SLC9C1: variants seen among roughly 807,000 people sequenced by gnomAD.
SLC9C1 encodes sodium/hydrogen exchanger 10.
SLC9C1 carries 97 observed loss-of-function variants against 140.9 expected under a neutral mutation model. The observed-to-expected ratio is 0.69, with a 90% confidence interval of 0.58 to 0.82. The LOEUF (loss-of-function observed/expected upper bound fraction) is 0.82. SLC9C1 is among the 40% of genes least tolerant of loss of function. The probability of loss-of-function intolerance (pLI) is 0.00; values close to 1 mark genes in which losing one functional copy is unlikely to be tolerated. For synonymous variants in SLC9C1, 440 were observed against 442.6 expected, an observed-to-expected ratio of 0.99 and a Z score of 0.07; for missense variants, 1,340 against 1,389.3, an observed-to-expected ratio of 0.96 and a Z score of 0.56.
At chr3:112,214,194 G>A (rs1051350922) in intron 15 of SLC9C1, among the ~76,000 whole-genome samples, 24 of 152,192 alleles carry the variant, frequency 1.6e-4, no homozygotes, top group Admixed American at 2.6e-4. Context: ...GAATCTCTGG[G>A]ACACATTTAA....
At chr3:112,215,502 T>C (rs1484854680) in intron 15 of SLC9C1, among the ~76,000 whole-genome samples, 1 of 152,110 alleles carries the variant, frequency 6.6e-6, no homozygotes, top group Non-Finnish European at 1.5e-5. Context: ...ATAAGCAACT[T>C]CAGCAAAGTC....
chr3:112,270,702 G>C (rs1200960654), intron 6 of SLC9C1, among the ~76,000 whole-genome samples: 1 of 152,158 alleles, frequency 6.6e-6, no homozygotes, highest in East Asian at 1.9e-4. Flanking sequence ...TGTAATCCCG[G>C]CTACCTGGGA....
intron 10 of SLC9C1, among the ~76,000 whole-genome samples, chr3:112,246,289 G>A (rs9878213): frequency 0.59 from 89,783 of 151,744 alleles, 27,060 homozygotes; most frequent in East Asian, 0.79. Context: ...GTAGAGTGTG[G>A]TACCAAATAG....
chr3:112,140,932 A>G lies in SLC9C1; in HGVS notation c.*340T>C, dbSNP rs11920568. On this transcript the variant is annotated 3_prime_UTR_variant, in exon 29 of 29. Coordinates refer to ENST00000305815, the MANE Select transcript of SLC9C1 (RefSeq NM_183061.3). Reference sequence around the variant, plus strand: ...TATTTTAATACATTTTATTTTTCATAAAGTGAACCAAACCATTATTGCTGT... The same window carrying G: ...TATTTTAATACATTTTATTTTTCATGAAGTGAACCAAACCATTATTGCTGT... 768 of 209,342 alleles carry G rather than the reference A, an allele frequency of 3.7e-3. 4 individuals carry two copies. Among genetic ancestry groups the G allele is most frequent in the African/African-American group, 0.017 (728 of 43,766 alleles). 13.0% of individuals were successfully genotyped at this position (209,342 alleles called of 1,614,324 possible). A position where few individuals can be genotyped will look rare whatever the true frequency, so the allele number is the denominator to read the frequency against.
chr3:112,228,783 A>T (rs2078746088), intron 13 of SLC9C1, among the ~76,000 whole-genome samples: 1 of 152,156 alleles, frequency 6.6e-6, no homozygotes, highest in African/African-American at 2.4e-5. Flanking sequence ...ACATAAAAAA[A>T]TTTAACATCA....
chr3:112,163,777 G>A (rs1313896714), intron 26 of SLC9C1, among the ~76,000 whole-genome samples: 5 of 152,154 alleles, frequency 3.3e-5, no homozygotes, highest in African/African-American at 1.2e-4. Context: ...TTCTGTAGAT[G>A]TCTATTAGGT....
In SLC9C1 at chr3:112,264,350, C is replaced by T. The variant is rs6788397; in HGVS notation, c.879-7G>A. 874,837 of 1,398,342 alleles carry T rather than the reference C, an allele frequency of 0.63. 276,257 individuals carry two copies. Among genetic ancestry groups the T allele is most frequent in the East Asian group, 0.78 (26,899 of 34,564 alleles). The allele number at this position is 1,398,342 out of a possible 1,614,324, so 86.6% of individuals were successfully genotyped here. On this transcript the variant is annotated splice_polypyrimidine_tract_variant and splice_region_variant and intron_variant, in intron 8 of 28. Coordinates refer to ENST00000305815, the MANE Select transcript of SLC9C1 (RefSeq NM_183061.3). ...TGATAGAAAAGTCCAGAATCTGCATCATTCAGAAAAAATTAAAAATATTTA... is the reference window on the plus strand; with the variant it reads ...TGATAGAAAAGTCCAGAATCTGCATTATTCAGAAAAAATTAAAAATATTTA...
chr3:112,180,773 T>C, intron 21 of SLC9C1, 111 bp from the exon 22 acceptor site: 2 of 845,394 alleles, frequency 2.4e-6, no homozygotes, highest in Admixed American at 2.5e-5. Flanking sequence ...TCTCGCTCTG[T>C]CACCCATACT....
intron 27 of SLC9C1, among the ~76,000 whole-genome samples, chr3:112,154,277 T>A (rs1415840489): frequency 6.6e-6 from 1 of 152,184 alleles, no homozygotes; most frequent in Non-Finnish European, 1.5e-5. Flanking sequence ...AGACTAAAAC[T>A]AAAAATGAAC....
chr3:112,286,555 G>T, intron 2 of SLC9C1, 149 bp downstream of exon 2: 1 of 586,244 alleles, frequency 1.7e-6, no homozygotes, highest in Non-Finnish European at 2.8e-6. Flanking sequence ...AATTATTATT[G>T]GATTCATTTG....
At chr3:112,236,918 G>A (rs2079002732) in intron 12 of SLC9C1, among the ~76,000 whole-genome samples, 1 of 152,206 alleles carries the variant, frequency 6.6e-6, no homozygotes, top group Non-Finnish European at 1.5e-5. Context: ...GTGCAGTGTG[G>A]TGCTGAGAAG....
intron 11 of SLC9C1, 51 bp from the exon 12 acceptor site, chr3:112,240,057 T>G (rs2079100412): frequency 6.6e-7 from 1 of 1,520,254 alleles, no homozygotes; most frequent in Non-Finnish European, 8.9e-7. Context: ...ACAATTTTGA[T>G]ATGGGTTAGA....
rs1233408000 is a variant in SLC9C1, at chr3:112,239,314, T to C, written c.1446+526A>G. Among the ~76,000 whole-genome samples the C allele has an allele frequency of 2.0e-5, 3 of 152,226 alleles. No individual in the cohort carries two copies. The East Asian group carries it at 5.8e-4, about 29-fold the overall frequency. On this transcript the variant is annotated intron_variant, in intron 12 of 28. Transcript: ENST00000305815. ...CTAAGACCATTGGAAAAGCACAGTA[T>C]TAGGGTGGGAGTGACCCAATTTTCG...
At chr3:112,237,259 C>T (rs967420569) in intron 12 of SLC9C1, among the ~76,000 whole-genome samples, 9 of 152,062 alleles carry the variant, frequency 5.9e-5, no homozygotes, top group Non-Finnish European at 7.4e-5. Flanking sequence ...TGGTTTAAAG[C>T]CTGTTTTATC....
At chr3:112,283,842 G>GTAAA (rs775234726) in intron 2 of SLC9C1, among the ~76,000 whole-genome samples, 1 of 27,730 alleles carries the variant, frequency 3.6e-5, no homozygotes. Flanking sequence ...AAATCACTGT[G>GTAAA]CAAAAAAAAA....
intron 1 of SLC9C1, among the ~76,000 whole-genome samples, chr3:112,288,781 C>T (rs1471496988): frequency 6.6e-6 from 1 of 151,916 alleles, no homozygotes; most frequent in Non-Finnish European, 1.5e-5. Flanking sequence ...TCAGAATCTG[C>T]GGTCAGACTA....
At chr3:112,155,934 T>C (rs957727002) in intron 26 of SLC9C1, among the ~76,000 whole-genome samples, 1 of 152,164 alleles carries the variant, frequency 6.6e-6, no homozygotes, top group Non-Finnish European at 1.5e-5. Context: ...TTGATGCCTG[T>C]ATACAGTGGG....
At position 112,182,182 on chromosome 3, in the gene SLC9C1, TA is replaced by T. The variant is rs1229927301; in HGVS notation, c.2599del (p.Tyr867IlefsTer6). 1 of 1,605,090 alleles carries T rather than the reference TA, an allele frequency of 6.2e-7. No individual in the cohort carries two copies. Among genetic ancestry groups the T allele is most frequent in the East Asian group, 2.2e-5 (1 of 44,478 alleles). ...GTTTTTATCTAGCCACGGAATATGATATAGAACTTCTTCAACAGTAAGAGGC... is the reference window on the plus strand; with the variant it reads ...GTTTTTATCTAGCCACGGAATATGATTAGAACTTCTTCAACAGTAAGAGGC... ...IRPLTVEEVL[Y>X]HIPWLDKNKD... On this transcript the variant is annotated frameshift_variant, in exon 21 of 29. Coordinates refer to ENST00000305815, the MANE Select transcript of SLC9C1 (RefSeq NM_183061.3). LOFTEE classifies it high-confidence loss of function.
Position 112,262,925 on chromosome 3 carries a change from T to G in SLC9C1, c.1196A>C (p.Gln399Pro). 1 of 1,567,886 alleles carries G rather than the reference T, an allele frequency of 6.4e-7. No individual in the cohort carries two copies. The highest frequency in any genetic ancestry group is 8.6e-7 in the Non-Finnish European group (1 of 1,164,564). ...LYFGSDKEKS[Q>P]ILFHGVLVCL... ...ATAAGAAAATACAGCTTTCTTTACT[T>G]GAGATTTTTCTTTGTCAGATCCAAA... The change falls in exon 10 of 29, where the codon CAA becomes CCA. Residue 399 changes from glutamine (Q) to proline (P), a missense_variant and splice_region_variant. Gln to Pro is a moderately conservative substitution (Grantham distance 76, BLOSUM62 -1). Transcript: ENST00000305815.
Sources: allele counts gnomAD v4.1 joint callset (sites outside exome capture counted in the v4.1 genomes callset), GRCh38; gene constraint gnomAD v4.1.1; transcripts MANE v1.5; gene names NCBI Gene and HGNC (gene_info 2026-07-23, HGNC 2026-07-21).